Variants in MBD5 observed in about 807,000 individuals in gnomAD.
MBD5 encodes the protein methyl-CpG-binding domain protein 5.
Under a neutral mutation model 117.3 loss-of-function variants are expected in MBD5, and 13 were observed. That is an observed-to-expected ratio of 0.11 (90% confidence interval 0.07 to 0.18). The LOEUF is 0.18. MBD5 is among the 10% of genes least tolerant of loss of function. MBD5 has a pLI of 1.00. For synonymous variants in MBD5, 727 were observed against 766.4 expected, an observed-to-expected ratio of 0.95 and a Z score of 0.85; for missense variants, 1,879 against 2,093.8, an observed-to-expected ratio of 0.90 and a Z score of 2.00.
chr2:148,171,874 A>C (rs1419038147), intron 1 of MBD5, among the ~76,000 whole-genome samples: 1 of 152,232 alleles, frequency 6.6e-6, no homozygotes, highest in Non-Finnish European at 1.5e-5. Context: ...GCTACAAACA[A>C]ATTTAAGAAT....
chr2:148,323,208 G>C (rs2106581732), intron 3 of MBD5, among the ~76,000 whole-genome samples: 2 of 152,152 alleles, frequency 1.3e-5, no homozygotes, highest in Admixed American at 1.3e-4. Flanking sequence ...GTATTCCATG[G>C]TGTATATGTG....
At chr2:148,479,256 A>G (rs570697172) in intron 8 of MBD5, among the ~76,000 whole-genome samples, 3 of 152,282 alleles carry the variant, frequency 2.0e-5, no homozygotes, top group East Asian at 3.9e-4. Flanking sequence ...GTAATTTGTC[A>G]TCCTGCACCC....
chr2:148,270,340 C>T (rs1240690268), intron 3 of MBD5, among the ~76,000 whole-genome samples: 1 of 151,654 alleles, frequency 6.6e-6, no homozygotes, highest in Non-Finnish European at 1.5e-5. Flanking sequence ...TCCTTGTTCT[C>T]AGCAAAATTG....
At chr2:148,313,823 C>T (rs905676099) in intron 3 of MBD5, among the ~76,000 whole-genome samples, 1 of 152,146 alleles carries the variant, frequency 6.6e-6, no homozygotes, top group African/African-American at 2.4e-5. Context: ...ATGGGAAAAG[C>T]AGAGTATCTG....
At chr2:148,164,355 G>C (rs1459168769) in intron 1 of MBD5, among the ~76,000 whole-genome samples, 1 of 152,016 alleles carries the variant, frequency 6.6e-6, no homozygotes, top group Non-Finnish European at 1.5e-5. Flanking sequence ...TGTTGCACCA[G>C]GTGTTAACCT....
chr2:148,228,646 C>G (rs1401607829), intron 2 of MBD5, among the ~76,000 whole-genome samples: 1 of 152,202 alleles, frequency 6.6e-6, no homozygotes, highest in East Asian at 1.9e-4. Flanking sequence ...GGAGGATTCC[C>G]TCTTTTTCTG....
At chr2:148,497,904 T>C (rs1343529044) in intron 11 of MBD5, among the ~76,000 whole-genome samples, 1 of 152,162 alleles carries the variant, frequency 6.6e-6, no homozygotes, top group Non-Finnish European at 1.5e-5. Flanking sequence ...AGCACCTTCA[T>C]GTTCGTGGTC....
chr2:148,223,354 T>G (rs1699739966), intron 2 of MBD5, among the ~76,000 whole-genome samples: 1 of 152,088 alleles, frequency 6.6e-6, no homozygotes, highest in African/African-American at 2.4e-5. Flanking sequence ...ATTTTTTAAA[T>G]ATTTGGTAGA....
At chr2:148,426,669 T>C (rs1344471878) in intron 4 of MBD5, among the ~76,000 whole-genome samples, 1 of 152,148 alleles carries the variant, frequency 6.6e-6, no homozygotes, top group Non-Finnish European at 1.5e-5. Context: ...GATTAAAGAC[T>C]TACATGTTAG....
At chr2:148,433,894 C>T (rs892241708) in intron 4 of MBD5, among the ~76,000 whole-genome samples, 63 of 149,838 alleles carry the variant, frequency 4.2e-4, no homozygotes, top group African/African-American at 1.3e-3. Context: ...CCCTCCTCCC[C>T]GTTTTTGTTG....
chr2:148,431,865 G>A (rs186677510), intron 4 of MBD5, among the ~76,000 whole-genome samples: 95 of 152,184 alleles, frequency 6.2e-4, no homozygotes, highest in African/African-American at 2.1e-3. Context: ...GTGTCTTTAT[G>A]ATAGAATGAT....
chr2:148,471,911 A>G (rs930839307), intron 8 of MBD5: 3 of 152,108 alleles, frequency 2.0e-5, no homozygotes, highest in African/African-American at 7.2e-5. Context: ...TTATCTATTT[A>G]GCAGAAAAGT....
intron 1 of MBD5, among the ~76,000 whole-genome samples, chr2:148,090,459 C>T (rs1216920960): frequency 1.3e-5 from 2 of 151,878 alleles, no homozygotes; most frequent in Non-Finnish European, 2.9e-5. Flanking sequence ...ACTAGCAAAC[C>T]GAATCCAACG....
In MBD5 at chr2:148,188,806, C is replaced by T. The variant is rs545897010; in HGVS notation, c.-831+10013C>T. On this transcript the variant is annotated intron_variant, in intron 2 of 13. Transcript: ENST00000642680. ...GGTCTACAGCTCCCAGCGTGAGCGA[C>T]GCAGAAGACGGGTGATTTCTGTATT... is the stretch of plus-strand genomic sequence containing the variant. Among the ~76,000 whole-genome samples the T allele has an allele frequency of 2.1e-3, 318 of 152,090 alleles. 2 individuals are homozygous for T. The highest frequency in any genetic ancestry group is 7.1e-3 in the African/African-American group (293 of 41,480).
At chr2:148,348,907 T>C (rs906423004) in intron 4 of MBD5, among the ~76,000 whole-genome samples, 1 of 151,978 alleles carries the variant, frequency 6.6e-6, no homozygotes, top group Non-Finnish European at 1.5e-5. Flanking sequence ...GTTTGACAAA[T>C]AGTAGGGCTT....
At chr2:148,462,018 A>G (rs1265110253) in intron 5 of MBD5, among the ~76,000 whole-genome samples, 2 of 152,060 alleles carry the variant, frequency 1.3e-5, no homozygotes, top group Admixed American at 6.6e-5. Flanking sequence ...TAACTGATCT[A>G]TTATATCTTT....
At chr2:148,392,911 A>G (rs1266713638) in intron 4 of MBD5, among the ~76,000 whole-genome samples, 1 of 152,182 alleles carries the variant, frequency 6.6e-6, no homozygotes, top group Non-Finnish European at 1.5e-5. Context: ...AATGGTTACA[A>G]TGAAAGATTT....
At chr2:148,447,411 T>G (rs543178163) in intron 4 of MBD5, among the ~76,000 whole-genome samples, 1 of 152,262 alleles carries the variant, frequency 6.6e-6, no homozygotes, top group East Asian at 1.9e-4. Flanking sequence ...CTGCACACAC[T>G]GGTAATGCAT....
At chr2:148,376,231 T>A (rs1279654160) in intron 4 of MBD5, among the ~76,000 whole-genome samples, 1 of 151,388 alleles carries the variant, frequency 6.6e-6, no homozygotes, top group African/African-American at 2.4e-5. Flanking sequence ...TTGTACCCTT[T>A]AAAAATATTC....
Sources: allele counts gnomAD v4.1 joint callset (sites outside exome capture counted in the v4.1 genomes callset), GRCh38; gene constraint gnomAD v4.1.1; transcripts MANE v1.5; gene names NCBI Gene and HGNC (gene_info 2026-07-23, HGNC 2026-07-21).